The following KDM6A variants were observed in gnomAD, a reference collection of about 807,000 sequenced individuals.
The protein encoded by KDM6A is lysine-specific demethylase 6A.
KDM6A carries 11 observed loss-of-function variants against 117.6 expected under a neutral mutation model. That is an observed-to-expected ratio of 0.09 (90% CI 0.06 to 0.15). KDM6A has a LOEUF of 0.15. Among genes scored for constraint, KDM6A ranks in the 10% least tolerant of loss-of-function variants. The pLI is 1.00. For missense variants in KDM6A, 799 were observed against 1,077.3 expected (o/e 0.74, Z 3.62); for synonymous variants, 384 against 396.1 (o/e 0.97, Z 0.36).
intron 2 of KDM6A, among the ~76,000 whole-genome samples, chrX:44,956,479 A>G (rs1199506988): frequency 9.1e-6 from 1 of 109,921 alleles, no homozygotes; most frequent in Admixed American, 9.7e-5. Context: ...GGCTCATTGT[A>G]GCCTCATCTT....
intron 2 of KDM6A, among the ~76,000 whole-genome samples, chrX:44,910,936 C>T: frequency 8.9e-6 from 1 of 112,636 alleles, no homozygotes; most frequent in East Asian, 2.8e-4. Flanking sequence ...TTTTTCCATC[C>T]TTTCCCCACA....
Position 44,873,425 on chromosome X carries a change from C to T in KDM6A, c.-127C>T, listed in dbSNP as rs1178264376. The T allele has an allele frequency of 3.0e-6, 3 of 995,421 alleles. No homozygotes were observed. The highest frequency in any genetic ancestry group is 2.0e-5 in the African/African-American group (1 of 48,822). 82.0% of individuals were successfully genotyped at this position (995,421 alleles called of 1,213,427 possible). A position where few individuals can be genotyped will look rare whatever the true frequency, so the allele number is the denominator to read the frequency against. ...GCGTTGGGATTTTTCGTCGCCGCCG[C>T]CCGCGGCGGAGGAGGAGGCGGCGAT... On this transcript the variant is annotated 5_prime_UTR_variant, in exon 1 of 30. Coordinates refer to ENST00000611820, the MANE Select transcript of KDM6A (RefSeq NM_001291415.2).
chrX:44,996,786 T>C (rs1318631490), intron 4 of KDM6A, among the ~76,000 whole-genome samples: 1 of 111,894 alleles, frequency 8.9e-6, no homozygotes, highest in East Asian at 2.8e-4. Flanking sequence ...CTAATTAACT[T>C]ACATATGCTG....
intron 16 of KDM6A, among the ~76,000 whole-genome samples, chrX:45,063,107 G>A: frequency 1.8e-5 from 2 of 111,009 alleles, no homozygotes. Context: ...TTGTGATTGA[G>A]AGAAGGACCT....
chrX:45,102,552 A>G (rs757597286), intron 27 of KDM6A, among the ~76,000 whole-genome samples: 1 of 111,711 alleles, frequency 9.0e-6, no homozygotes, highest in African/African-American at 3.2e-5. Flanking sequence ...TTCCAACACT[A>G]TGCGTAGATA....
At chrX:45,049,442 T>C (rs2043735894) in intron 8 of KDM6A, among the ~76,000 whole-genome samples, 1 of 112,286 alleles carries the variant, frequency 8.9e-6, no homozygotes, top group African/African-American at 3.2e-5. Flanking sequence ...CTCTTAACTT[T>C]ATACTTTTAC....
chrX:44,880,468 TA>T (rs2032168020), intron 2 of KDM6A, among the ~76,000 whole-genome samples: 1 of 106,676 alleles, frequency 9.4e-6, no homozygotes, highest in Non-Finnish European at 1.9e-5. Context: ...TTTTTTTTTT[TA>T]ACACCGTAGA....
At chrX:45,061,241 A>G in intron 14 of KDM6A, 83 bp from the exon 15 acceptor site, 1 of 518,380 alleles carries the variant, frequency 1.9e-6, no homozygotes, top group South Asian at 2.9e-5. Context: ...ATTCATAGTC[A>G]TTTGGCCTCC....
At chrX:44,942,565 T>G (rs187997375) in intron 2 of KDM6A, among the ~76,000 whole-genome samples, 2 of 110,326 alleles carry the variant, frequency 1.8e-5, no homozygotes, top group Admixed American at 2.0e-4. Flanking sequence ...CTTTGTTCTT[T>G]TTCATAATTG....
intron 2 of KDM6A, among the ~76,000 whole-genome samples, chrX:44,942,300 T>C (rs2037378767): frequency 9.0e-6 from 1 of 111,072 alleles, no homozygotes; most frequent in African/African-American, 3.3e-5. Flanking sequence ...CCCAAAGTGC[T>C]GGGATTACAG....
intron 13 of KDM6A, 79 bp from the exon 14 acceptor site, chrX:45,060,530 C>A: frequency 1.3e-6 from 1 of 797,497 alleles, no homozygotes; most frequent in Non-Finnish European, 1.7e-6. Flanking sequence ...AAGTATGCAG[C>A]TTGTAAAGTT....
chrX:44,936,126 G>T (rs1408678235), intron 2 of KDM6A, among the ~76,000 whole-genome samples: 1 of 111,801 alleles, frequency 8.9e-6, no homozygotes, highest in Non-Finnish European at 1.9e-5. Context: ...GGCTCCAGTG[G>T]AGAATCAGTT....
rs148328646 is a variant in KDM6A, at chrX:45,090,074, A to G, written c.3892+144A>G. On this transcript the variant is annotated intron_variant, in intron 26 of 29. Coordinates refer to ENST00000611820, the MANE Select transcript of KDM6A (RefSeq NM_001291415.2). ...TAGAATTGTAATTCGTAGTACAACA[A>G]ATTAAATTCAAGTTAACAAATAGAA... The G allele has an allele frequency of 8.0e-3, 3,798 of 475,442 alleles. 100 individuals carry two copies. In the African/African-American group the frequency reaches 0.082, roughly 10 times the overall value. 39.2% of individuals were successfully genotyped at this position (475,442 alleles called of 1,213,427 possible). A position where few individuals can be genotyped will look rare whatever the true frequency, so the allele number is the denominator to read the frequency against.
chrX:44,952,562 C>T (rs1324886925), intron 2 of KDM6A, among the ~76,000 whole-genome samples: 1 of 111,267 alleles, frequency 9.0e-6, no homozygotes, highest in Non-Finnish European at 1.9e-5. Flanking sequence ...CGCGAGCCAC[C>T]GCGTTCAACC....
chrX:44,989,653 G>A (rs2040465683), intron 4 of KDM6A, among the ~76,000 whole-genome samples: 1 of 112,184 alleles, frequency 8.9e-6, no homozygotes, highest in African/African-American at 3.2e-5. Context: ...AAGTGCACAT[G>A]CTTTGTTTGA....
intron 4 of KDM6A, among the ~76,000 whole-genome samples, chrX:44,992,090 A>T (rs377599833): frequency 1.8e-5 from 2 of 110,974 alleles, no homozygotes; most frequent in South Asian, 7.6e-4. Context: ...TAAATTACAG[A>T]TAACATGACA....
chrX:45,005,961 AC>A (rs1569516038), intron 4 of KDM6A, among the ~76,000 whole-genome samples: 10 of 14,130 alleles, frequency 7.1e-4, no homozygotes, highest in African/African-American at 2.6e-3. Context: ...TCACCCCCCC[AC>A]CCCCCCACCC....
chrX:44,941,684 A>G (rs1361582023), intron 2 of KDM6A, among the ~76,000 whole-genome samples: 1 of 109,335 alleles, frequency 9.1e-6, no homozygotes, highest in African/African-American at 3.3e-5. Flanking sequence ...GGGTTTCACC[A>G]TGTTAGCCAG....
chrX:44,915,239 T>G (rs2035477627), intron 2 of KDM6A, among the ~76,000 whole-genome samples: 1 of 112,408 alleles, frequency 8.9e-6, no homozygotes, highest in East Asian at 2.8e-4. Flanking sequence ...TACTTCTTTT[T>G]AAATGAACAA....
Sources: gnomAD v4.1 joint callset for allele counts (sites outside exome capture counted in the v4.1 genomes callset) on GRCh38, gnomAD v4.1.1 for gene constraint, MANE v1.5 for transcripts, NCBI Gene and HGNC (gene_info 2026-07-23, HGNC 2026-07-21) for gene names.